The following LAMA3 variants were observed in gnomAD, a reference collection of about 807,000 sequenced individuals.
LAMA3 encodes the protein laminin subunit alpha-3.
A neutral mutation model predicts 402.0 loss-of-function variants in LAMA3; 281 were observed. The ratio of observed to expected loss-of-function variants is 0.70; its 90% confidence interval spans 0.63 to 0.77. The LOEUF (loss-of-function observed/expected upper bound fraction) is 0.77, where lower values mean the gene tolerates loss of function less well. Ranked by LOEUF, LAMA3 falls within the 30% of genes least tolerant of loss-of-function variation. The pLI is 0.00. For synonymous variants in LAMA3, 1,431 were observed against 1,558.4 expected (o/e 0.92, Z 1.93); for missense variants, 3,840 against 4,215.5 (o/e 0.91, Z 2.47).
intron 11 of LAMA3, among the ~76,000 whole-genome samples, chr18:23,783,249 A>T (rs910914054): frequency 6.6e-6 from 1 of 152,226 alleles, no homozygotes; most frequent in Non-Finnish European, 1.5e-5. Flanking sequence ...TGACAACAAC[A>T]CTTACACCTC....
intron 60 of LAMA3, among the ~76,000 whole-genome samples, chr18:23,920,373 T>A (rs1207052224): frequency 1.3e-5 from 2 of 152,040 alleles, no homozygotes; most frequent in Non-Finnish European, 2.9e-5. Flanking sequence ...TTGGGGCCCA[T>A]CAGTACACCT....
intron 11 of LAMA3, among the ~76,000 whole-genome samples, chr18:23,777,826 G>A (rs2062356602): frequency 6.6e-6 from 1 of 152,188 alleles, no homozygotes; most frequent in Non-Finnish European, 1.5e-5. Flanking sequence ...CCTGACGTAG[G>A]AAACTGTGCA....
chr18:23,899,729 A>G, intron 47 of LAMA3: 2 of 359,644 alleles, frequency 5.6e-6, no homozygotes, highest in Non-Finnish European at 1.0e-5. Flanking sequence ...TCTTAACTGC[A>G]TTTTTCTGAT....
At chr18:23,738,181 G>A (rs1568129650) in intron 2 of LAMA3, among the ~76,000 whole-genome samples, 1 of 152,116 alleles carries the variant, frequency 6.6e-6, no homozygotes, top group African/African-American at 2.4e-5. Flanking sequence ...TTGAAGTGTG[G>A]ATGTGTGGGG....
chr18:23,770,654 G>A lies in LAMA3; in HGVS notation c.1183-2843G>A, dbSNP rs1306293005. ...CGGGCGCCTGTAGTCCCAGCTACTC[G>A]GGAGGCTGAGGCAGGAGAATGGCGT... is the stretch of plus-strand genomic sequence containing the variant. On this transcript the variant is annotated intron_variant, in intron 8 of 74. Coordinates refer to ENST00000313654, the MANE Select transcript of LAMA3 (RefSeq NM_198129.4). Among the ~76,000 whole-genome samples the A allele has an allele frequency of 2.6e-5, 4 of 152,180 alleles. No homozygotes were observed. The East Asian group carries it at 7.7e-4, about 29-fold the overall frequency.
intron 14 of LAMA3, 22 bp downstream of exon 14, chr18:23,813,125 T>A (rs1568210747): frequency 1.9e-6 from 3 of 1,547,242 alleles, no homozygotes; most frequent in Non-Finnish European, 1.8e-6. Flanking sequence ...ATAAAAGGGT[T>A]GCAATTCTAA....
intron 1 of LAMA3, among the ~76,000 whole-genome samples, chr18:23,712,635 G>A (rs1331473356): frequency 1.8e-5 from 2 of 113,010 alleles, no homozygotes; most frequent in Non-Finnish European, 3.9e-5. Context: ...GTATAATGTC[G>A]AAAGATAAAG....
intron 9 of LAMA3, 145 bp from the exon 10 acceptor site, chr18:23,775,647 T>C: frequency 1.1e-6 from 1 of 876,752 alleles, no homozygotes; most frequent in South Asian, 1.5e-5. Flanking sequence ...CAATCAGGTG[T>C]GAGGTGGGAA....
rs1210092949 is a variant in LAMA3, at chr18:23,763,522, A to C, written c.1181A>C (p.Gln394Pro). The part of the protein sequence containing the change: ...YAGGGVCINC[Q>P]HNTAGVNCEQ... ...GGTGGAGGGGTCTGCATTAACTGTC[A>C]GGTGAGGCACTATTTAAATCAAAGT... The change falls in exon 8 of 75, where the codon CAG (glutamine) becomes CCG (proline). Residue 394 changes from glutamine (Q) to proline (P), a missense_variant and splice_region_variant. Transcript: ENST00000313654. 11 of 1,555,046 alleles carry C rather than the reference A, an allele frequency of 7.1e-6. No individual in the cohort carries two copies. Among genetic ancestry groups the C allele is most frequent in the Non-Finnish European group, 9.8e-6 (11 of 1,126,180 alleles).
intron 39 of LAMA3, among the ~76,000 whole-genome samples, chr18:23,878,782 T>C (rs2064805301): frequency 6.6e-6 from 1 of 152,232 alleles, no homozygotes; most frequent in South Asian, 2.1e-4. Context: ...ATTTCAAGAA[T>C]AGACTCTGAA....
rs1376607281 is a variant in LAMA3, at chr18:23,789,866, G to A, written c.1603+5709G>A. On this transcript the variant is annotated intron_variant, in intron 12 of 74. Transcript: ENST00000313654. ...AACTTGTTTGAAAAAATAAGGCAGA[G>A]GTGGGAGGTGGAATCCCAACACACT... Among the ~76,000 whole-genome samples the A allele has an allele frequency of 3.3e-5, 5 of 152,166 alleles. No individual in the cohort carries two copies. The East Asian group carries it at 7.7e-4, about 23-fold the overall frequency.
intron 69 of LAMA3, among the ~76,000 whole-genome samples, chr18:23,945,061 A>G (rs753035846): frequency 2.6e-5 from 4 of 151,774 alleles, no homozygotes; most frequent in Non-Finnish European, 2.9e-5. Context: ...TGAACTCAGG[A>G]GGTGGAGGTT....
At chr18:23,893,683 T>A (rs1267374045) in intron 42 of LAMA3, among the ~76,000 whole-genome samples, 1 of 152,198 alleles carries the variant, frequency 6.6e-6, no homozygotes, top group Admixed American at 6.5e-5. Context: ...TATCACCACA[T>A]CTGTCACACT....
At position 23,827,461 on chromosome 18, in the gene LAMA3, G is replaced by C; in HGVS notation, c.2817G>C (p.Gly939=). ...PAHPVMVDLS[G]REVELHLRLR... ...ACCCTGTCATGGTGGACCTCAGCGG[G>C]AGAGAGGTGGGCCAGCCTTTTATTT... Residue 939 remains glycine, a synonymous_variant, in exon 23 of 75, where the codon GGG becomes GGC. Transcript: ENST00000313654. The C allele has an allele frequency of 6.2e-7, 1 of 1,614,102 alleles. No homozygotes were observed. Among genetic ancestry groups the C allele is most frequent in the African/African-American group, 1.3e-5 (1 of 75,042 alleles).
At chr18:23,822,900 A>G (rs900541641) in intron 20 of LAMA3, among the ~76,000 whole-genome samples, 7 of 152,220 alleles carry the variant, frequency 4.6e-5, no homozygotes, top group Admixed American at 2.0e-4. Flanking sequence ...CAGAGGGACA[A>G]GAGAAGAGAG....
intron 55 of LAMA3, among the ~76,000 whole-genome samples, chr18:23,912,005 T>A (rs1236543273): frequency 2.7e-5 from 4 of 145,494 alleles, no homozygotes; most frequent in Admixed American, 6.9e-5. Flanking sequence ...TATTTATATA[T>A]AAATATATAT....
chr18:23,933,786 T>C lies in LAMA3; in HGVS notation c.8713T>C (p.Ser2905Pro), dbSNP rs1470664785. The change falls in exon 67 of 75, where the codon TCA becomes CCA. Residue 2905 changes from serine (S) to proline (P), a missense_variant. Ser to Pro is a moderately conservative substitution (Grantham distance 74, BLOSUM62 -1). Coordinates refer to ENST00000313654, the MANE Select transcript of LAMA3 (RefSeq NM_198129.4). ...CISNVFVQRL[S>P]LSPEVLDLTS... The stretch of plus-strand genomic sequence containing the variant: ...TCATTTCTGCTCTTTTTCCAGGTTA[T>C]CACTGAGTCCTGAAGTCCTAGATTT... 1 of 1,614,020 alleles carries C rather than the reference T, an allele frequency of 6.2e-7. No individual in the cohort carries two copies. Among genetic ancestry groups the C allele is most frequent in the Non-Finnish European group, 8.5e-7 (1 of 1,179,986 alleles).
intron 68 of LAMA3, among the ~76,000 whole-genome samples, chr18:23,940,518 G>GT (rs113122991): frequency 1.3e-3 from 200 of 152,314 alleles, no homozygotes; most frequent in African/African-American, 4.4e-3. Context: ...TGTCTTGCGT[G>GT]TTAGCAGATT....
intron 11 of LAMA3, chr18:23,781,232 A>T (rs769888446): frequency 9.0e-6 from 4 of 446,654 alleles, no homozygotes; most frequent in South Asian, 6.4e-5. Context: ...TCCCTGTGAC[A>T]TTCGTTCTCA....
Sources: allele counts gnomAD v4.1 joint callset (sites outside exome capture counted in the v4.1 genomes callset), GRCh38; gene constraint gnomAD v4.1.1; transcripts MANE v1.5; gene names NCBI Gene and HGNC (gene_info 2026-07-23, HGNC 2026-07-21).